Variants in CADM2 observed in about 807,000 individuals in gnomAD.
CADM2 encodes immunoglobulin superfamily member 4D.
In CADM2, 12 loss-of-function variants were observed where a neutral mutation model predicts 49.8. That is an observed-to-expected ratio of 0.24 (90% CI 0.15 to 0.39). CADM2 has a LOEUF of 0.39. Ranked by LOEUF, CADM2 falls within the 10% of genes least tolerant of loss-of-function variation. CADM2 has a pLI of 1.00. For synonymous variants in CADM2, 214 were observed against 175.4 expected (o/e 1.22, Z -1.74); for missense variants, 378 against 492.3 (o/e 0.77, Z 2.20).
intron 6 of CADM2, among the ~76,000 whole-genome samples, chr3:85,916,318 C>T: frequency 7.7e-6 from 1 of 129,162 alleles, no homozygotes; most frequent in African/African-American, 2.8e-5. Context: ...CTATCCCTTC[C>T]CCCTCCCCCC....
At chr3:85,569,868 G>T (rs1449387) in intron 1 of CADM2, among the ~76,000 whole-genome samples, 3,267 of 152,212 alleles carry the variant, frequency 0.021, 144 homozygotes, top group South Asian at 0.1. Flanking sequence ...TAATAGTCTT[G>T]TAAATACATT....
intron 1 of CADM2, among the ~76,000 whole-genome samples, chr3:85,438,201 A>G (rs1173486174): frequency 6.6e-6 from 1 of 152,046 alleles, no homozygotes; most frequent in Non-Finnish European, 1.5e-5. Flanking sequence ...TTATTACCAA[A>G]TTCATACCAT....
intron 1 of CADM2, among the ~76,000 whole-genome samples, chr3:85,272,931 T>A (rs1217270153): frequency 1.3e-5 from 2 of 151,294 alleles, no homozygotes; most frequent in Non-Finnish European, 3.0e-5. Context: ...CACACATTTT[T>A]TTTCTCATAA....
intron 1 of CADM2, among the ~76,000 whole-genome samples, chr3:85,150,870 T>C (rs913451321): frequency 1.3e-5 from 2 of 151,424 alleles, no homozygotes; most frequent in African/African-American, 4.9e-5. Context: ...TATCGCACCA[T>C]TGCACTCCAG....
At chr3:85,197,986 T>G (rs1449580907) in intron 1 of CADM2, among the ~76,000 whole-genome samples, 2 of 151,890 alleles carry the variant, frequency 1.3e-5, no homozygotes, top group Non-Finnish European at 2.9e-5. Context: ...TCATCACTGC[T>G]TACTTCGGTT....
intron 1 of CADM2, among the ~76,000 whole-genome samples, chr3:85,568,445 T>C (rs1409929297): frequency 3.0e-4 from 10 of 33,108 alleles, no homozygotes; most frequent in African/African-American, 1.0e-3. Context: ...CTTTCTTTCT[T>C]TCTTTCTTTC....
At chr3:85,378,147 C>G (rs145769810) in intron 1 of CADM2, among the ~76,000 whole-genome samples, 22 of 152,018 alleles carry the variant, frequency 1.4e-4, no homozygotes, top group African/African-American at 4.8e-4. Context: ...CACCAATAGT[C>G]CTAAAAATTT....
At chr3:85,091,785 T>C (rs952915216) in intron 1 of CADM2, among the ~76,000 whole-genome samples, 9 of 152,166 alleles carry the variant, frequency 5.9e-5, no homozygotes, top group African/African-American at 2.2e-4. Context: ...GTCTCTGTCT[T>C]GTAGAAAGCA....
At chr3:85,289,207 T>C (rs2043712502) in intron 1 of CADM2, among the ~76,000 whole-genome samples, 1 of 152,190 alleles carries the variant, frequency 6.6e-6, no homozygotes, top group African/African-American at 2.4e-5. Flanking sequence ...ATCAATTATA[T>C]CCTGACTTTC....
intron 2 of CADM2, among the ~76,000 whole-genome samples, chr3:85,737,562 CTT>C (rs3044022): frequency 2.1e-5 from 3 of 141,768 alleles, no homozygotes; most frequent in South Asian, 2.2e-4. Context: ...TCTTTTCTTT[CTT>C]TTTTTTTTTT....
chr3:86,041,837 A>T (rs1174127059), intron 8 of CADM2, among the ~76,000 whole-genome samples: 1 of 152,028 alleles, frequency 6.6e-6, no homozygotes, highest in Non-Finnish European at 1.5e-5. Context: ...GAAGTAAAAC[A>T]CTCCTCAGCA....
chr3:85,624,780 T>C (rs2064076490), intron 1 of CADM2, among the ~76,000 whole-genome samples: 1 of 152,120 alleles, frequency 6.6e-6, no homozygotes, highest in South Asian at 2.1e-4. Context: ...TTATGAATGA[T>C]ATTTACTTTA....
At chr3:85,988,996 A>G (rs1399366351) in intron 8 of CADM2, among the ~76,000 whole-genome samples, 1 of 152,220 alleles carries the variant, frequency 6.6e-6, no homozygotes, top group Non-Finnish European at 1.5e-5. Context: ...TTCTATAATG[A>G]AGGACAATGG....
intron 1 of CADM2, among the ~76,000 whole-genome samples, chr3:84,980,274 C>T (rs376866656): frequency 1.3e-5 from 2 of 152,138 alleles, no homozygotes; most frequent in African/African-American, 2.4e-5. Flanking sequence ...TTTTTTTCAC[C>T]CTGCCCCTTG....
chr3:85,014,118 G>A (rs911543358), intron 1 of CADM2, among the ~76,000 whole-genome samples: 2 of 138,938 alleles, frequency 1.4e-5, no homozygotes, highest in Admixed American at 1.5e-4. Context: ...TATACGCAGT[G>A]TAATATTGTA....
At chr3:85,414,138 C>A (rs1290339755) in intron 1 of CADM2, among the ~76,000 whole-genome samples, 1 of 152,094 alleles carries the variant, frequency 6.6e-6, no homozygotes, top group Non-Finnish European at 1.5e-5. Context: ...GCTGGGATTA[C>A]AAGGGTGCAC....
At chr3:85,872,840 C>T (rs1025272251) in intron 3 of CADM2, among the ~76,000 whole-genome samples, 4 of 151,888 alleles carry the variant, frequency 2.6e-5, no homozygotes, top group African/African-American at 4.8e-5. Context: ...TGCTGTCTCT[C>T]GTTTTTACAC....
At chr3:85,246,255 T>C (rs1011915341) in intron 1 of CADM2, among the ~76,000 whole-genome samples, 2 of 151,816 alleles carry the variant, frequency 1.3e-5, no homozygotes, top group South Asian at 2.1e-4. Flanking sequence ...ATGAGAACAC[T>C]TGGACACAGG....
intron 1 of CADM2, among the ~76,000 whole-genome samples, chr3:85,632,122 G>A (rs2107524698): frequency 6.6e-6 from 1 of 152,148 alleles, no homozygotes; most frequent in South Asian, 2.1e-4. Context: ...GGTGGGAGAT[G>A]ATTGAATCAC....
Sources: allele counts gnomAD v4.1 joint callset (sites outside exome capture counted in the v4.1 genomes callset), GRCh38; gene constraint gnomAD v4.1.1; transcripts MANE v1.5; gene names NCBI Gene and HGNC (gene_info 2026-07-23, HGNC 2026-07-21).